ATXN8OS: variants seen among roughly 807,000 people sequenced by gnomAD.
ATXN8OS encodes the protein ATXN8 opposite strand lncRNA, also known as ATXN8 opposite strand (non-protein coding).
chr13:70,147,577 C>T (rs1247268550), intron 4 of ATXN8OS, among the ~76,000 whole-genome samples: 4 of 152,088 alleles, frequency 2.6e-5, no homozygotes, highest in Non-Finnish European at 5.9e-5. Flanking sequence ...TGCCCAATTA[C>T]CTGAATCAAA....
intron 4 of ATXN8OS, among the ~76,000 whole-genome samples, chr13:70,159,249 G>A (rs759104205): frequency 3.4e-4 from 52 of 151,158 alleles, no homozygotes; most frequent in Non-Finnish European, 6.3e-4. Flanking sequence ...TATATTAGAG[G>A]TAATATTCAG....
chr13:70,161,745 T>C (rs1406699801), intron 4 of ATXN8OS, among the ~76,000 whole-genome samples: 1 of 141,856 alleles, frequency 7.0e-6, no homozygotes, highest in Non-Finnish European at 1.5e-5. Flanking sequence ...GTAGTTATGG[T>C]ATAAGTATTT....
chr13:70,107,437 G>A (rs771014925), upstream of ATXN8OS: 1 of 1,614,172 alleles, frequency 6.2e-7, no homozygotes, highest in Non-Finnish European at 8.5e-7. Context: ...CGGATTGAAG[G>A]AAGAGGAGGA....
chr13:70,143,340 A>G (rs1031103079), intron 3 of ATXN8OS, among the ~76,000 whole-genome samples: 30 of 152,088 alleles, frequency 2.0e-4, no homozygotes, highest in Non-Finnish European at 4.0e-4. Flanking sequence ...GAATTTACCT[A>G]TTGATGATGA....
chr13:70,160,486 T>A (rs1888994367), intron 4 of ATXN8OS, among the ~76,000 whole-genome samples: 1 of 151,748 alleles, frequency 6.6e-6, no homozygotes, highest in Non-Finnish European at 1.5e-5. Context: ...TTAGCATATT[T>A]CTTTCAACGG....
intron 3 of ATXN8OS, chr13:70,130,015 T>C (rs1356417336): frequency 7.6e-6 from 3 of 394,836 alleles, no homozygotes; most frequent in Non-Finnish European, 1.3e-5. Context: ...CAAGAGGATA[T>C]TGAAAGGGAA....
intron 3 of ATXN8OS, among the ~76,000 whole-genome samples, chr13:70,142,453 G>A (rs74901253): frequency 6.6e-6 from 1 of 152,180 alleles, no homozygotes; most frequent in Non-Finnish European, 1.5e-5. Context: ...CCCTCAGGAA[G>A]GATGTAGGTT....
intron 3 of ATXN8OS, among the ~76,000 whole-genome samples, chr13:70,141,871 T>C (rs1000848172): frequency 6.6e-6 from 1 of 151,952 alleles, no homozygotes; most frequent in Admixed American, 6.6e-5. Context: ...TATATGTATA[T>C]GTATATATAA....
rs59511009 is a variant in ATXN8OS, at chr13:70,163,886, GT to G, written n.574-5857del. 2.7e-3 allele frequency among the ~76,000 whole-genome samples: 397 copies of G among 144,924 alleles called. 3 individuals are homozygous for G. The highest frequency in any genetic ancestry group is 4.8e-3 in the African/African-American group (191 of 39,846). ...ACTTTAACACTCAAGGGAAATCATG[GT>G]TTTTTTTTTAATGTTTTGCCTGATA... On this transcript the variant is annotated intron_variant and non_coding_transcript_variant, in intron 4 of 4. Transcript: ENST00000678624.
chr13:70,169,815 A>G lies in ATXN8OS; in HGVS notation n.636A>G, dbSNP rs148646266. ...TCTGCCTACAGTCACTGGCTGGCTA[A>G]TGTGAGAAGATTAAGTCCTGGTCCT... On this transcript the variant is annotated non_coding_transcript_exon_variant, in exon 5 of 5. Transcript: ENST00000678624. Among the ~76,000 whole-genome samples the G allele has an allele frequency of 3.3e-5, 5 of 152,188 alleles. No homozygotes were observed. The East Asian group carries it at 9.7e-4, about 30-fold the overall frequency.
intron 3 of ATXN8OS, among the ~76,000 whole-genome samples, chr13:70,137,159 T>A (rs549414960): frequency 6.6e-6 from 1 of 152,308 alleles, no homozygotes; most frequent in South Asian, 2.1e-4. Context: ...TATAAAACAA[T>A]AATCATTAAT....
At chr13:70,119,295 C>G (rs1566592085) in intron 2 of ATXN8OS, among the ~76,000 whole-genome samples, 1 of 152,032 alleles carries the variant, frequency 6.6e-6, no homozygotes, top group African/African-American at 2.4e-5. Context: ...ACACAGTCAG[C>G]CCTACAGGAG....
intron 3 of ATXN8OS, among the ~76,000 whole-genome samples, chr13:70,143,352 G>A (rs1417161489): frequency 6.6e-6 from 1 of 151,910 alleles, no homozygotes; most frequent in Non-Finnish European, 1.5e-5. Context: ...TGATGATGAT[G>A]AGAGTCTTCT....
At chr13:70,144,123 T>G (rs1255326165) in intron 3 of ATXN8OS, among the ~76,000 whole-genome samples, 1 of 152,106 alleles carries the variant, frequency 6.6e-6, no homozygotes, top group Non-Finnish European at 1.5e-5. Flanking sequence ...ATATTAAATT[T>G]TAATATTTTT....
chr13:70,109,206 T>C (rs1888157021), intron 1 of ATXN8OS, among the ~76,000 whole-genome samples: 1 of 152,240 alleles, frequency 6.6e-6, no homozygotes, highest in African/African-American at 2.4e-5. Context: ...AGATGTGTTT[T>C]CCCCTTATAT....
chr13:70,147,378 A>G (rs1888800309), exon 4 of ATXN8OS, among the ~76,000 whole-genome samples: 1 of 152,128 alleles, frequency 6.6e-6, no homozygotes, highest in Non-Finnish European at 1.5e-5. Context: ...TAAAGTGCGA[A>G]GGAGCTTAAA....
At chr13:70,146,775 G>A (rs2039863271) in intron 3 of ATXN8OS, among the ~76,000 whole-genome samples, 1 of 139,932 alleles carries the variant, frequency 7.1e-6, no homozygotes, top group African/African-American at 2.6e-5. Context: ...GGGGTCGGGG[G>A]AGGGAAGAGG....
chr13:70,166,462 A>C (rs1373184529), intron 4 of ATXN8OS, among the ~76,000 whole-genome samples: 1 of 152,074 alleles, frequency 6.6e-6, no homozygotes, highest in African/African-American at 2.4e-5. Context: ...GGCTAGCCAT[A>C]TGTAGAAAGC....
At chr13:70,129,084 T>C (rs1382584739) in intron 2 of ATXN8OS, among the ~76,000 whole-genome samples, 1 of 152,030 alleles carries the variant, frequency 6.6e-6, no homozygotes, top group Non-Finnish European at 1.5e-5. Flanking sequence ...GGTCACAAAC[T>C]CCTGACCTCA....
Sources: allele counts gnomAD v4.1 joint callset (sites outside exome capture counted in the v4.1 genomes callset), GRCh38; gene constraint gnomAD v4.1.1; transcripts MANE v1.5; gene names NCBI Gene and HGNC (gene_info 2026-07-23, HGNC 2026-07-21).